Variants in CAST observed in about 807,000 individuals in gnomAD.
CAST encodes the protein calpastatin.
Under a neutral mutation model 119.6 loss-of-function variants are expected in CAST, and 76 were observed. The ratio of observed to expected loss-of-function variants is 0.64; its 90% confidence interval spans 0.53 to 0.77. The LOEUF is 0.77. Ranked by LOEUF, CAST falls within the 30% of genes least tolerant of loss-of-function variation. The pLI is 0.00. For synonymous variants in CAST, 319 were observed against 331.6 expected (o/e 0.96, Z 0.41); for missense variants, 953 against 946.5 (o/e 1.01, Z -0.09).
chr5:96,303,619 C>T, the CAST span, among the ~76,000 whole-genome samples: 1 of 150,274 alleles, frequency 6.7e-6, no homozygotes, highest in Non-Finnish European at 1.5e-5. Flanking sequence ...TAGTCCCCCA[C>T]CCCCCAGTTT....
At chr5:96,653,103 T>G (rs1748115055) in intron 1 of CAST, among the ~76,000 whole-genome samples, 1 of 152,230 alleles carries the variant, frequency 6.6e-6, no homozygotes, top group Non-Finnish European at 1.5e-5. Context: ...ATTGCCTTCA[T>G]ATTTTCTCAC....
At chr5:96,384,044 G>C in the CAST span, among the ~76,000 whole-genome samples, 1 of 152,096 alleles carries the variant, frequency 6.6e-6, no homozygotes, top group Non-Finnish European at 1.5e-5. Flanking sequence ...ATGGATACTG[G>C]ATATGGGAAG....
At chr5:96,558,269 G>A (rs973112468) in intron 1 of CAST, among the ~76,000 whole-genome samples, 1 of 151,966 alleles carries the variant, frequency 6.6e-6, no homozygotes, top group African/African-American at 2.4e-5. Context: ...ATCTAAAATT[G>A]ACACCCTAAC....
At chr5:96,740,643 T>A (rs1762472328) in intron 12 of CAST, 102 bp from the exon 13 acceptor site, 1 of 793,370 alleles carries the variant, frequency 1.3e-6, no homozygotes, top group Non-Finnish European at 2.2e-6. Context: ...CATATAGATC[T>A]GGGGTGGGAG....
At chr5:96,415,063 A>G in the CAST span, among the ~76,000 whole-genome samples, 17 of 152,254 alleles carry the variant, frequency 1.1e-4, no homozygotes, top group South Asian at 2.1e-4. Context: ...TGAAAACCAA[A>G]CTAAACTTGA....
chr5:96,550,590 C>T (rs936817384), intron 1 of CAST, among the ~76,000 whole-genome samples: 4 of 152,164 alleles, frequency 2.6e-5, no homozygotes, highest in Non-Finnish European at 5.9e-5. Context: ...AAGTAGGCTT[C>T]AGAAGGTTGG....
chr5:96,760,149 ATCT>A (rs1157030490), intron 24 of CAST, among the ~76,000 whole-genome samples: 6 of 152,004 alleles, frequency 3.9e-5, no homozygotes, highest in African/African-American at 1.4e-4. Flanking sequence ...TATGGTGCTA[ATCT>A]TAAAATCTGA....
intron 1 of CAST, among the ~76,000 whole-genome samples, chr5:96,573,639 C>A (rs200725891): frequency 4.0e-5 from 6 of 149,822 alleles, no homozygotes; most frequent in South Asian, 2.1e-4. Context: ...CACCCTGTCT[C>A]AAAAAAAAAA....
At chr5:96,327,051 G>A in the CAST span, among the ~76,000 whole-genome samples, 1,404 of 152,306 alleles carry the variant, frequency 9.2e-3, 27 homozygotes, top group African/African-American at 0.033. Context: ...TCATGGGCAA[G>A]GGGATGGTTT....
At chr5:96,266,290 T>G in the CAST span, among the ~76,000 whole-genome samples, 2 of 152,050 alleles carry the variant, frequency 1.3e-5, no homozygotes, top group African/African-American at 4.8e-5. Flanking sequence ...TCCACACTAG[T>G]AAAAGTGAGA....
In CAST at chr5:96,754,179, G is replaced by C. The variant is rs1402325336; in HGVS notation, c.1626+18G>C. 2.1e-6 allele frequency: 3 copies of C among 1,400,826 alleles called. No homozygotes were observed. Among genetic ancestry groups the C allele is most frequent in the East Asian group, 4.5e-5 (2 of 43,968 alleles). The allele number at this position is 1,400,826 out of a possible 1,614,324, so 86.8% of individuals were successfully genotyped here. On this transcript the variant is annotated intron_variant, in intron 21 of 31. Transcript: ENST00000675179. The stretch of plus-strand genomic sequence containing the variant: ...AAGTCAAGGTAATGGCAACTGAGAT[G>C]CTTCTGGAAAATAAATATCATTGAT...
At chr5:96,469,252 C>G in the CAST span, among the ~76,000 whole-genome samples, 1 of 152,024 alleles carries the variant, frequency 6.6e-6, no homozygotes. Context: ...CCCACAAGAG[C>G]AAGTGTTTGT....
the CAST span, among the ~76,000 whole-genome samples, chr5:96,082,581 G>A: frequency 1.3e-5 from 2 of 152,134 alleles, no homozygotes; most frequent in African/African-American, 2.4e-5. Context: ...AACTTTATAT[G>A]TGTATCTTGC....
rs571238954 is a variant in CAST, at chr5:96,769,551, A to C, written c.2269-980A>C. 3 of 152,238 alleles carry C rather than the reference A, an allele frequency of 2.0e-5. No homozygotes were observed. In the South Asian group the frequency reaches 6.2e-4, roughly 32 times the overall value. The allele number at this position is 152,238 out of a possible 1,614,324, so 9.4% of individuals were successfully genotyped here. A position where few individuals can be genotyped will look rare whatever the true frequency, so the allele number is the denominator to read the frequency against. Reference sequence around the variant, plus strand: ...AATAAAATGGTTACTGTAGGGAAGCAGATTTACATATCTATCATTCTCACA... The same window carrying C: ...AATAAAATGGTTACTGTAGGGAAGCCGATTTACATATCTATCATTCTCACA... On this transcript the variant is annotated intron_variant, in intron 29 of 31. Transcript: ENST00000675179.
chr5:96,126,193 GT>G, the CAST span, among the ~76,000 whole-genome samples: 1 of 152,116 alleles, frequency 6.6e-6, no homozygotes, highest in Non-Finnish European at 1.5e-5. Context: ...TCAGCACAAA[GT>G]CTGTTATATT....
At chr5:96,760,505 A>G (rs1298596659) in intron 24 of CAST, among the ~76,000 whole-genome samples, 5 of 151,952 alleles carry the variant, frequency 3.3e-5, no homozygotes, top group Admixed American at 6.6e-5. Context: ...TGAAAAGTTT[A>G]TTGTCATTTC....
At chr5:96,353,284 C>T in the CAST span, among the ~76,000 whole-genome samples, 1 of 152,136 alleles carries the variant, frequency 6.6e-6, no homozygotes, top group Non-Finnish European at 1.5e-5. Flanking sequence ...TTCAGTTTAG[C>T]TAGTACAGCA....
the CAST span, among the ~76,000 whole-genome samples, chr5:96,388,039 G>A: frequency 1.3e-5 from 2 of 152,210 alleles, no homozygotes; most frequent in East Asian, 1.9e-4. Context: ...ATATGGGGGT[G>A]TATAGAGATG....
the CAST span, among the ~76,000 whole-genome samples, chr5:96,447,365 C>T: frequency 6.6e-6 from 1 of 152,308 alleles, no homozygotes; most frequent in East Asian, 1.9e-4. Flanking sequence ...GGACCAATTT[C>T]CAGAGACTAG....
Sources: allele counts gnomAD v4.1 joint callset (sites outside exome capture counted in the v4.1 genomes callset), GRCh38; gene constraint gnomAD v4.1.1; transcripts MANE v1.5; gene names NCBI Gene and HGNC (gene_info 2026-07-23, HGNC 2026-07-21).